Variants in PCARE observed in about 807,000 individuals in gnomAD.
PCARE encodes the protein photoreceptor cilium actin regulator, also known as uncharacterized protein C2orf71.
Under a neutral mutation model 82.2 loss-of-function variants are expected in PCARE, and 72 were observed. The ratio of observed to expected loss-of-function variants is 0.88; its 90% CI spans 0.72 to 1.07. PCARE has a LOEUF of 1.07. Ranked by LOEUF, PCARE falls within the 50% of genes least tolerant of loss-of-function variation. The pLI, the probability that PCARE is intolerant of heterozygous loss-of-function variation, is 0.00. For synonymous variants in PCARE, 705 were observed against 634.8 expected, an observed-to-expected ratio of 1.11 and a Z score of -1.66; for missense variants, 1,768 against 1,592.4, an observed-to-expected ratio of 1.11 and a Z score of -1.88.
Position 29,071,085 on chromosome 2 carries a change from A to AG in PCARE, c.3176dup (p.Pro1060SerfsTer47). ...ACTGAGCAGGTGCACTCTCGGGGGG[A>AG]GGGTTGGGCAACTTGGGCTGGTGCG... On this transcript the variant is annotated frameshift_variant, in exon 1 of 2. Coordinates refer to ENST00000331664, the MANE Select transcript of PCARE (RefSeq NM_001029883.3). LOFTEE classifies it high-confidence loss of function. 7 of 1,097,066 alleles carry AG rather than the reference A, an allele frequency of 6.4e-6. No homozygotes were observed. The Admixed American group carries it at 1.7e-4, about 26-fold the overall frequency. 68.0% of individuals were successfully genotyped at this position (1,097,066 alleles called of 1,614,324 possible).
At position 29,061,980 on chromosome 2, in the gene PCARE, G is replaced by A. The variant is rs977136751; in HGVS notation, c.*2889C>T. ...GATGCCACAAAACTGTTCCATTGTG[G>A]ATTTAATTCCTTTTGTACAAAGTCT... On this transcript the variant is annotated 3_prime_UTR_variant, in exon 2 of 2. Coordinates refer to ENST00000331664, the MANE Select transcript of PCARE (RefSeq NM_001029883.3). 1 of 152,244 alleles carries A rather than the reference G, an allele frequency of 6.6e-6. No homozygotes were observed. The highest frequency in any genetic ancestry group is 1.5e-5 in the Non-Finnish European group (1 of 68,054). 9.4% of individuals were successfully genotyped at this position (152,244 alleles called of 1,614,324 possible).
At position 29,073,778 on chromosome 2, in the gene PCARE, G is replaced by C. The variant is rs1667539169; in HGVS notation, c.484C>G (p.Gln162Glu). 1 of 1,614,082 alleles carries C rather than the reference G, an allele frequency of 6.2e-7. No individual in the cohort carries two copies. Among genetic ancestry groups the C allele is most frequent in the South Asian group, 1.1e-5 (1 of 91,078 alleles). Reference protein sequence around the residue: ...HTSSTQSHCYQTIHPAHEPEG... With the variant: ...HTSSTQSHCYETIHPAHEPEG... ...GGCTCATGAGCAGGGTGGATGGTTT[G>C]GTAGCAGTGGCTCTGTGTGCTTGAC... The change falls in exon 1 of 2, where the codon CAA (glutamine) becomes GAA (glutamate). Residue 162 changes from glutamine to glutamate, a missense_variant. Physicochemically the swap from Gln to Glu is conservative, Grantham distance 29. Transcript: ENST00000331664.
At position 29,073,071 on chromosome 2, in the gene PCARE, C is replaced by T. The variant is rs777103184; in HGVS notation, c.1191G>A (p.Trp397Ter). 7.4e-6 allele frequency: 12 copies of T among 1,613,970 alleles called. No homozygotes were observed. The highest frequency in any genetic ancestry group is 1.6e-4 in the Middle Eastern group (1 of 6,062). Residue 397 changes from tryptophan to a stop codon, truncating the protein, a stop_gained, in exon 1 of 2, where the codon TGG becomes TGA. Transcript: ENST00000331664. LOFTEE classifies it high-confidence loss of function. Reference sequence around the variant, plus strand: ...AGCCCAAACAGAATGGACTTTGCTGCCAGGTGTGTCCTGACTGCCTGGCCT... The same window carrying T: ...AGCCCAAACAGAATGGACTTTGCTGTCAGGTGTGTCCTGACTGCCTGGCCT... ...HTEARQSGHT[W>*]QQSPFCLGSG...
chr2:29,071,481 T>C lies in PCARE; in HGVS notation c.2781A>G (p.Pro927=), dbSNP rs1572826895. The change falls in exon 1 of 2, where the codon CCA becomes CCG. Residue 927 remains proline (P), a synonymous_variant. Transcript: ENST00000331664. ...PRKPALDLSS[P]PATSQSPEVK... ...CCTCGGGGCTTTGGCTGGTGGCTGGTGGGCTGCTCAGGTCCAGGGCTGGCT... is the reference window on the plus strand; with the variant it reads ...CCTCGGGGCTTTGGCTGGTGGCTGGCGGGCTGCTCAGGTCCAGGGCTGGCT... 1.2e-6 allele frequency: 2 copies of C among 1,611,302 alleles called. No homozygotes were observed. Among genetic ancestry groups the C allele is most frequent in the African/African-American group, 2.7e-5 (2 of 75,046 alleles).
rs1471277232 is a variant in PCARE at position 29,064,782 on chromosome 2, C to T, written c.*87G>A. ...ACACCTCAGTAGGAGTTTGGTTTGCCCATCATCTCTGGGTCAGGCTGGACA... is the reference window on the plus strand; with the variant it reads ...ACACCTCAGTAGGAGTTTGGTTTGCTCATCATCTCTGGGTCAGGCTGGACA... On this transcript the variant is annotated 3_prime_UTR_variant, in exon 2 of 2. Coordinates refer to ENST00000331664, the MANE Select transcript of PCARE (RefSeq NM_001029883.3). 1.3e-6 allele frequency: 2 copies of T among 1,563,322 alleles called. No individual in the cohort carries two copies. The highest frequency in any genetic ancestry group is 1.7e-6 in the Non-Finnish European group (2 of 1,151,920).
At position 29,071,788 on chromosome 2, in the gene PCARE, C is replaced by G; in HGVS notation, c.2474G>C (p.Gly825Ala). 6.2e-7 allele frequency: 1 copy of G among 1,613,640 alleles called. No individual in the cohort carries two copies. The highest frequency in any genetic ancestry group is 8.5e-7 in the Non-Finnish European group (1 of 1,179,622). ...CGGTGGAGGGAGGTGCTCGAGGTTC[C>G]CCTCCATTTCACAGCTGAGCTCCTC... The part of the protein sequence containing the change: ...KSEELSCEME[G>A]NLEHLPPPPM... Residue 825 changes from glycine to alanine, a missense_variant, in exon 1 of 2, where the codon GGG becomes GCG. Gly to Ala is a moderately conservative substitution (Grantham distance 60). Transcript: ENST00000331664.
chr2:29,064,470 G>A lies in PCARE; in HGVS notation c.*399C>T, dbSNP rs571534411. The A allele has an allele frequency of 8.2e-4, 238 of 290,398 alleles. No individual in the cohort carries two copies. Among genetic ancestry groups the A allele is most frequent in the African/African-American group, 4.8e-3 (225 of 46,712 alleles). The allele number at this position is 290,398 out of a possible 1,614,324, so 18.0% of individuals were successfully genotyped here. A position where few individuals can be genotyped will look rare whatever the true frequency, so the allele number is the denominator to read the frequency against. On this transcript the variant is annotated 3_prime_UTR_variant, in exon 2 of 2. Coordinates refer to ENST00000331664, the MANE Select transcript of PCARE (RefSeq NM_001029883.3). Reference sequence around the variant, plus strand: ...CCCCACACCTTCGGTTTTCATATGCGCAAAACTGAAGAATGCTATGTGCTT... The same window carrying A: ...CCCCACACCTTCGGTTTTCATATGCACAAAACTGAAGAATGCTATGTGCTT...
Position 29,071,602 on chromosome 2 carries a change from C to A in PCARE, c.2660G>T (p.Ser887Ile). 3 of 1,612,708 alleles carry A rather than the reference C, an allele frequency of 1.9e-6. No homozygotes were observed. Among genetic ancestry groups the A allele is most frequent in the Non-Finnish European group, 2.5e-6 (3 of 1,179,896 alleles). Reference sequence around the variant, plus strand: ...CTTGCTGGGCAGCAAGTCCAGGGGGCTCACAGAGGCCCTCAGCTTTGGGGA... The same window carrying A: ...CTTGCTGGGCAGCAAGTCCAGGGGGATCACAGAGGCCCTCAGCTTTGGGGA... ...WASPKLRASV[S>I]PLDLLPSKST... Residue 887 changes from serine to isoleucine, a missense_variant, in exon 1 of 2, where the codon AGC becomes ATC. Transcript: ENST00000331664.
At chr2:29,070,467 C>T in intron 1 of PCARE, 127 bp downstream of exon 1, 1 of 1,312,626 alleles carries the variant, frequency 7.6e-7, no homozygotes, top group Non-Finnish European at 1.1e-6. Flanking sequence ...ACACCTTTTT[C>T]CCAACTGCCT....
At position 29,073,492 on chromosome 2, in the gene PCARE, T is replaced by G. The variant is rs759125980; in HGVS notation, c.770A>C (p.Lys257Thr). 1 of 1,614,140 alleles carries G rather than the reference T, an allele frequency of 6.2e-7. No individual in the cohort carries two copies. The highest frequency in any genetic ancestry group is 8.5e-7 in the Non-Finnish European group (1 of 1,180,008). ...VREDLAWPLKKREPQEQPNLL... is the reference protein window; with the variant it reads ...VREDLAWPLKTREPQEQPNLL... ...ATTTGGCTGCTCCTGGGGCTCTCTT[T>G]TCTTCAAAGGCCAAGCCAGATCCTC... is the stretch of plus-strand genomic sequence containing the variant. The change falls in exon 1 of 2, where the codon AAA (lysine) becomes ACA (threonine). Residue 257 changes from lysine (K) to threonine (T), a missense_variant. Coordinates refer to ENST00000331664, the MANE Select transcript of PCARE (RefSeq NM_001029883.3).
chr2:29,073,706 G>T lies in PCARE; in HGVS notation c.556C>A (p.Gln186Lys), dbSNP rs267606691. The T allele has an allele frequency of 3.7e-5, 59 of 1,613,618 alleles. No homozygotes were observed. The African/African-American group carries it at 7.1e-4, about 19-fold the overall frequency. Residue 186 changes from glutamine (Q) to lysine (K), a missense_variant, in exon 1 of 2, where the codon CAG becomes AAG. Physicochemically the swap from Gln to Lys is moderately conservative, Grantham distance 53. Coordinates refer to ENST00000331664, the MANE Select transcript of PCARE (RefSeq NM_001029883.3). ...CTGGAGTGTAGATAGGTGTAAGCCT[G>T]CTGGTGGGCCTTTACCAGAGGCTCC... The part of the protein sequence containing the change: ...FPEPLVKAHQ[Q>K]AYTYLHSSLS...
In PCARE at chr2:29,072,419, C is replaced by A. The variant is rs774789355; in HGVS notation, c.1843G>T (p.Val615Phe). The A allele has an allele frequency of 1.9e-6, 3 of 1,614,190 alleles. 1 individual carries two copies. In the South Asian group the frequency reaches 3.3e-5, roughly 18 times the overall value. The change falls in exon 1 of 2, where the codon GTC becomes TTC. Residue 615 changes from valine to phenylalanine, a missense_variant. By Grantham distance (50) the Val-to-Phe change is conservative (BLOSUM62 -1). Transcript: ENST00000331664. The part of the protein sequence containing the change: ...EDPTFQELRR[V>F]QRDLSQKLEA... Reference sequence around the variant, plus strand: ...AGCTTCTGACTGAGGTCCCTCTGGACCCTTCGCAGCTCCTGAAAGGTGGGG... The same window carrying A: ...AGCTTCTGACTGAGGTCCCTCTGGAACCTTCGCAGCTCCTGAAAGGTGGGG...
chr2:29,071,458 T>C lies in PCARE; in HGVS notation c.2804A>G (p.Glu935Gly), dbSNP rs1440021838. ...SSPPATSQSP[E>G]VKGGTWSQAE... The stretch of plus-strand genomic sequence containing the variant: ...CTGACTCCAAGTCCCACCCTTCACC[T>C]CGGGGCTTTGGCTGGTGGCTGGTGG... The change falls in exon 1 of 2, where the codon GAG becomes GGG. Residue 935 changes from glutamate to glycine, a missense_variant. Physicochemically the swap from Glu to Gly is moderately conservative, Grantham distance 98 (BLOSUM62 -2). Coordinates refer to ENST00000331664, the MANE Select transcript of PCARE (RefSeq NM_001029883.3). The C allele has an allele frequency of 6.2e-7, 1 of 1,612,660 alleles. No individual in the cohort carries two copies. Among genetic ancestry groups the C allele is most frequent in the Non-Finnish European group, 8.5e-7 (1 of 1,179,944 alleles).
In PCARE at chr2:29,063,114, G is replaced by C. The variant is rs997868561; in HGVS notation, c.*1755C>G. 1 of 152,344 alleles carries C rather than the reference G, an allele frequency of 6.6e-6. No individual in the cohort carries two copies. Among genetic ancestry groups the C allele is most frequent in the Non-Finnish European group, 1.5e-5 (1 of 68,142 alleles). 9.4% of individuals were successfully genotyped at this position (152,344 alleles called of 1,614,324 possible). ...CCCAACCATTTAGGGAGAATGCCCA[G>C]ATCTCTGTCGGGCAAGTTTGCTGAA... On this transcript the variant is annotated 3_prime_UTR_variant, in exon 2 of 2. Coordinates refer to ENST00000331664, the MANE Select transcript of PCARE (RefSeq NM_001029883.3).
Position 29,073,943 on chromosome 2 carries a change from G to A in PCARE, c.319C>T (p.Gln107Ter). 2 of 1,614,232 alleles carry A rather than the reference G, an allele frequency of 1.2e-6. No individual in the cohort carries two copies. Among genetic ancestry groups the A allele is most frequent in the Non-Finnish European group, 1.7e-6 (2 of 1,180,038 alleles). Residue 107 changes from glutamine (Q) to a stop codon, truncating the protein, a stop_gained, in exon 1 of 2, where the codon CAA becomes TAA. Coordinates refer to ENST00000331664, the MANE Select transcript of PCARE (RefSeq NM_001029883.3). LOFTEE classifies it high-confidence loss of function. ...KTSSSQLNKS[Q>*]SHMAKDIPFK... ...GGAATATCCTTAGCCATGTGGCTTTGTGATTTGTTCAGCTGGGATGAAGAG... is the reference window on the plus strand; with the variant it reads ...GGAATATCCTTAGCCATGTGGCTTTATGATTTGTTCAGCTGGGATGAAGAG...
rs559260690 is a variant in PCARE at position 29,062,712 on chromosome 2, T to A, written c.*2157A>T. ...CCCTGGACTTTTAAGATGAGGCCCTTTACGGAAGGAGGCCTGGGCTGGAGA... is the reference window on the plus strand; with the variant it reads ...CCCTGGACTTTTAAGATGAGGCCCTATACGGAAGGAGGCCTGGGCTGGAGA... On this transcript the variant is annotated 3_prime_UTR_variant, in exon 2 of 2. Transcript: ENST00000331664. The A allele has an allele frequency of 6.6e-6, 1 of 152,210 alleles. No homozygotes were observed. Among genetic ancestry groups the A allele is most frequent in the Non-Finnish European group, 1.5e-5 (1 of 68,044 alleles). 9.4% of individuals were successfully genotyped at this position (152,210 alleles called of 1,614,324 possible). A position where few individuals can be genotyped will look rare whatever the true frequency, so the allele number is the denominator to read the frequency against.
chr2:29,071,554 G>A lies in PCARE; in HGVS notation c.2708C>T (p.Pro903Leu), dbSNP rs773573306. 17 of 1,610,426 alleles carry A rather than the reference G, an allele frequency of 1.1e-5. No homozygotes were observed. The highest frequency in any genetic ancestry group is 1.4e-5 in the Non-Finnish European group (16 of 1,180,024). Residue 903 changes from proline to leucine, a missense_variant, in exon 1 of 2, where the codon CCT becomes CTT. Physicochemically the swap from Pro to Leu is moderately conservative, Grantham distance 98. Transcript: ENST00000331664. ...PSKSTASLTK[P>L]HSTGPGSGRS... ...GCCACTCCCTGGCCCTGTGCTGTGAGGCTTGGTCAGGCTGGCGGTGCTCTT... is the reference window on the plus strand; with the variant it reads ...GCCACTCCCTGGCCCTGTGCTGTGAAGCTTGGTCAGGCTGGCGGTGCTCTT...
chr2:29,068,534 AT>A (rs111995522), intron 1 of PCARE, among the ~76,000 whole-genome samples: 50 of 149,594 alleles, frequency 3.3e-4, no homozygotes, highest in Non-Finnish European at 6.1e-4. Context: ...GACCTCAGAC[AT>A]TTTTTTTTTG....
intron 1 of PCARE, among the ~76,000 whole-genome samples, chr2:29,068,682 C>A (rs948450803): frequency 6.6e-6 from 1 of 152,196 alleles, no homozygotes; most frequent in Admixed American, 6.5e-5. Flanking sequence ...CATGCCTGGG[C>A]CTGTCTGCAC....
Sources: gnomAD v4.1 joint callset for allele counts (sites outside exome capture counted in the v4.1 genomes callset) on GRCh38, gnomAD v4.1.1 for gene constraint, MANE v1.5 for transcripts, NCBI Gene and HGNC (gene_info 2026-07-23, HGNC 2026-07-21) for gene names.